Variants in POGLUT1 observed in about 807,000 individuals in gnomAD.
POGLUT1 encodes the protein 9630046K23Rik.
In POGLUT1, 32 loss-of-function variants were observed where a neutral mutation model predicts 61.3. The observed-to-expected ratio is 0.52, with a 90% CI of 0.39 to 0.70. POGLUT1 has a LOEUF of 0.70. Ranked by LOEUF, POGLUT1 falls within the 30% of genes least tolerant of loss-of-function variation. The pLI is 0.00. For missense variants in POGLUT1, 411 were observed against 469.8 expected (o/e 0.87, Z 1.16); for synonymous variants, 158 against 158.2 (o/e 1.00, Z 0.01).
intron 3 of POGLUT1, among the ~76,000 whole-genome samples, chr3:119,474,858 TAAAC>T (rs910600652): frequency 2.0e-4 from 31 of 152,086 alleles, no homozygotes; most frequent in African/African-American, 7.5e-4. Context: ...AAAATTAAAT[TAAAC>T]TAAATTAAAA....
At chr3:119,480,741 C>CTT (rs549105221) in intron 5 of POGLUT1, among the ~76,000 whole-genome samples, 101 of 138,260 alleles carry the variant, frequency 7.3e-4, no homozygotes, top group Non-Finnish European at 1.2e-3. Context: ...ATTTTTCTTT[C>CTT]TTTTTTTTTT....
intron 6 of POGLUT1, among the ~76,000 whole-genome samples, chr3:119,485,670 A>G (rs1396525996): frequency 6.6e-6 from 1 of 152,252 alleles, no homozygotes; most frequent in African/African-American, 2.4e-5. Context: ...GTGATGCCAA[A>G]CACAACAGAT....
intron 6 of POGLUT1, 93 bp downstream of exon 6, chr3:119,485,480 G>A: frequency 1.4e-6 from 1 of 719,306 alleles, no homozygotes; most frequent in Non-Finnish European, 2.4e-6. Context: ...GTAGTTCAAA[G>A]GGAAAGCTAA....
chr3:119,478,548 A>T (rs2081568443), intron 4 of POGLUT1: 2 of 373,896 alleles, frequency 5.3e-6, no homozygotes, highest in Non-Finnish European at 1.1e-5. Flanking sequence ...CCGTCGGTAT[A>T]CTAACTTTCC....
chr3:119,484,740 A>G (rs16829865), intron 5 of POGLUT1, among the ~76,000 whole-genome samples: 22,052 of 152,236 alleles, frequency 0.14, 2,017 homozygotes, highest in Non-Finnish European at 0.2. Flanking sequence ...AATTATAAAC[A>G]GACCTAATCA....
intron 4 of POGLUT1, 113 bp from the exon 5 acceptor site, chr3:119,479,938 C>CT: frequency 6.4e-7 from 1 of 1,567,774 alleles, no homozygotes; most frequent in South Asian, 1.1e-5. Flanking sequence ...GAAAATATAT[C>CT]TTTGACAATG....
In POGLUT1 at chr3:119,469,050, GGCTCTGGCTGCTGTTGTTCCTCCT is replaced by G; in HGVS notation, c.32_55del (p.Leu11_Leu18del). 1 of 1,609,308 alleles carries G rather than the reference GGCTCTGGCTGCTGTTGTTCCTCCT, an allele frequency of 6.2e-7. No individual in the cohort carries two copies. Among genetic ancestry groups the G allele is most frequent in the South Asian group, 1.1e-5 (1 of 90,736 alleles). On this transcript the variant is annotated inframe_deletion, in exon 1 of 11. Transcript: ENST00000295588. Reference sequence around the variant, plus strand: ...GAGTGGTGGGCTAGCTCGCCGCTTCGGCTCTGGCTGCTGTTGTTCCTCCTGCCCTCAGCGCAGGGCCGCCAGAAG... The same window carrying G: ...GAGTGGTGGGCTAGCTCGCCGCTTCGGCCCTCAGCGCAGGGCCGCCAGAAG...
At chr3:119,472,834 G>A (rs540898259) in intron 3 of POGLUT1, among the ~76,000 whole-genome samples, 10 of 152,330 alleles carry the variant, frequency 6.6e-5, no homozygotes, top group African/African-American at 2.4e-4. Flanking sequence ...AGTTCAAGAC[G>A]AGCCTAGGCC....
At chr3:119,469,316 G>A in intron 1 of POGLUT1, 1 of 590,366 alleles carries the variant, frequency 1.7e-6, no homozygotes, top group East Asian at 2.9e-5. Context: ...CCATTCCCCG[G>A]AATTCAGAAT....
At position 119,481,545 on chromosome 3, in the gene POGLUT1, G is replaced by A. The variant is rs182539053; in HGVS notation, c.578+1373G>A. 2.5e-3 allele frequency among the ~76,000 whole-genome samples: 374 copies of A among 152,316 alleles called. 1 individual carries two copies. The highest frequency in any genetic ancestry group is 8.4e-3 in the African/African-American group (348 of 41,576). Reference sequence around the variant, plus strand: ...AGGATTAAGGTAATATTCCCTTCCTGAAGAAACGTACAGGGCTGCAGTCCT... The same window carrying A: ...AGGATTAAGGTAATATTCCCTTCCTAAAGAAACGTACAGGGCTGCAGTCCT... On this transcript the variant is annotated intron_variant, in intron 5 of 10. Coordinates refer to ENST00000295588, the MANE Select transcript of POGLUT1 (RefSeq NM_152305.3).
In POGLUT1 at chr3:119,489,025, T is replaced by C. The variant is rs771233795; in HGVS notation, c.797+38T>C. ...GGACTCCTCACTTTCTTGGTTTCCA[T>C]ACTGCTTTTGAAATAGCTTCACTTT... On this transcript the variant is annotated intron_variant, in intron 8 of 10. Transcript: ENST00000295588. 21 of 1,237,710 alleles carry C rather than the reference T, an allele frequency of 1.7e-5. No homozygotes were observed. In the East Asian group the frequency reaches 2.1e-4, roughly 13 times the overall value. 76.7% of individuals were successfully genotyped at this position (1,237,710 alleles called of 1,614,324 possible).
chr3:119,473,789 T>G (rs1305088682), intron 3 of POGLUT1, among the ~76,000 whole-genome samples: 3 of 151,754 alleles, frequency 2.0e-5, no homozygotes, highest in Non-Finnish European at 1.5e-5. Context: ...GCCTGCTGAG[T>G]AGCTGGGACT....
At position 119,492,394 on chromosome 3, in the gene POGLUT1, G is replaced by C. The variant is rs747605822; in HGVS notation, c.1135G>C (p.Gly379Arg). 6.2e-7 allele frequency: 1 copy of C among 1,605,692 alleles called. No homozygotes were observed. Among genetic ancestry groups the C allele is most frequent in the Non-Finnish European group, 8.5e-7 (1 of 1,174,554 alleles). ...GTCTTATAATGTAACGAGAAGGAAA[G>C]GTTATGATCAAATTATTCCCAAAAT... The part of the protein sequence containing the change: ...FLSYNVTRRK[G>R]YDQIIPKMLK... Residue 379 changes from glycine to arginine, a missense_variant, in exon 11 of 11, where the codon GGT becomes CGT. Physicochemically the swap from Gly to Arg is moderately radical, Grantham distance 125. Transcript: ENST00000295588.
intron 3 of POGLUT1, among the ~76,000 whole-genome samples, chr3:119,473,945 A>G (rs1220593692): frequency 6.6e-6 from 1 of 152,074 alleles, no homozygotes; most frequent in Non-Finnish European, 1.5e-5. Context: ...AGGCAGGTCT[A>G]GATACTTTTA....
At chr3:119,477,538 A>C (rs1399073520) in intron 4 of POGLUT1, 90 bp downstream of exon 4, 45 of 1,280,796 alleles carry the variant, frequency 3.5e-5, no homozygotes, top group Middle Eastern at 2.5e-4. Context: ...AGTCTGATGG[A>C]TAATGGTAAG....
chr3:119,482,466 G>A (rs1000581600), intron 5 of POGLUT1, among the ~76,000 whole-genome samples: 1 of 152,128 alleles, frequency 6.6e-6, no homozygotes, highest in Non-Finnish European at 1.5e-5. Flanking sequence ...TGGGGTCAAG[G>A]TGTTATCCAG....
At chr3:119,479,809 GA>G in intron 4 of POGLUT1, 1 of 819,176 alleles carries the variant, frequency 1.2e-6, no homozygotes. Context: ...GAATTTGGGG[GA>G]ACTGAAAAAG....
intron 6 of POGLUT1, among the ~76,000 whole-genome samples, chr3:119,485,651 A>T (rs1229409860): frequency 6.6e-6 from 1 of 152,238 alleles, no homozygotes; most frequent in Non-Finnish European, 1.5e-5. Flanking sequence ...TGTGTCGGTC[A>T]TTGATTATGT....
rs2081790580 is a variant in POGLUT1, at chr3:119,494,394, G to A, written c.*1956G>A. ...TGAGTAGATAAGACCATAAGAATTG[G>A]ATCAATGTAAATCCTCACCTGCCCT... On this transcript the variant is annotated 3_prime_UTR_variant, in exon 11 of 11. Coordinates refer to ENST00000295588, the MANE Select transcript of POGLUT1 (RefSeq NM_152305.3). 6.6e-6 allele frequency: 1 copy of A among 152,606 alleles called. No homozygotes were observed. Among genetic ancestry groups the A allele is most frequent in the African/African-American group, 2.4e-5 (1 of 41,444 alleles). 9.5% of individuals were successfully genotyped at this position (152,606 alleles called of 1,614,324 possible). A position where few individuals can be genotyped will look rare whatever the true frequency, so the allele number is the denominator to read the frequency against.
Sources: allele counts gnomAD v4.1 joint callset (sites outside exome capture counted in the v4.1 genomes callset), GRCh38; gene constraint gnomAD v4.1.1; transcripts MANE v1.5; gene names NCBI Gene and HGNC (gene_info 2026-07-23, HGNC 2026-07-21).